SNX29: variants seen among roughly 807,000 people sequenced by gnomAD.
The protein encoded by SNX29 is sorting nexin 29, also known as sorting nexin-29.
SNX29 carries 78 observed loss-of-function variants against 102.1 expected under a neutral mutation model. That is an observed-to-expected ratio of 0.76 (90% CI 0.64 to 0.92). SNX29 has a LOEUF of 0.92. Ranked by LOEUF, SNX29 falls within the 40% of genes least tolerant of loss-of-function variation. The pLI, the probability that SNX29 is intolerant of heterozygous loss-of-function variation, is 0.00. For synonymous variants in SNX29, 580 were observed against 414.5 expected, an observed-to-expected ratio of 1.40 and a Z score of -4.85; for missense variants, 1,280 against 1,061.7, an observed-to-expected ratio of 1.21 and a Z score of -2.86.
intron 19 of SNX29, among the ~76,000 whole-genome samples, chr16:12,493,989 C>G (rs1205114636): frequency 2.6e-5 from 4 of 152,158 alleles, no homozygotes; most frequent in African/African-American, 9.7e-5. Flanking sequence ...CCTTTCTTGC[C>G]TTTGTGTGTC....
chr16:12,043,530 A>AT (rs894264006), intron 5 of SNX29, among the ~76,000 whole-genome samples: 3 of 151,730 alleles, frequency 2.0e-5, no homozygotes, highest in African/African-American at 2.4e-5. Flanking sequence ...AATTTAAAAA[A>AT]TTTTTTTGTA....
chr16:12,125,273 C>T (rs951849624), intron 11 of SNX29, among the ~76,000 whole-genome samples: 2 of 152,264 alleles, frequency 1.3e-5, no homozygotes, highest in East Asian at 3.9e-4. Flanking sequence ...CTTTCTTCTC[C>T]ACCGTTAACC....
At chr16:12,551,866 A>G (rs892828114) in intron 20 of SNX29, among the ~76,000 whole-genome samples, 18 of 152,114 alleles carry the variant, frequency 1.2e-4, no homozygotes, top group African/African-American at 4.1e-4. Flanking sequence ...CAGGCAGGTG[A>G]TATTTCTAGC....
intron 20 of SNX29, among the ~76,000 whole-genome samples, chr16:12,553,156 C>T (rs1478959573): frequency 6.6e-6 from 1 of 152,176 alleles, no homozygotes; most frequent in South Asian, 2.1e-4. Flanking sequence ...TGGGGTCCTT[C>T]CTGGGATTTT....
At chr16:11,981,584 C>T (rs1020616606) in intron 1 of SNX29, among the ~76,000 whole-genome samples, 8 of 152,208 alleles carry the variant, frequency 5.3e-5, no homozygotes, top group African/African-American at 1.7e-4. Context: ...AAGTGTTTTT[C>T]AGTCTCTTGT....
intron 19 of SNX29, among the ~76,000 whole-genome samples, chr16:12,508,163 C>T (rs116568653): frequency 8.7e-4 from 132 of 152,316 alleles, no homozygotes; most frequent in Middle Eastern, 3.4e-3. Flanking sequence ...TGAGTGGTGC[C>T]TGGTGGGCTG....
At chr16:12,337,860 G>C (rs556416800) in intron 15 of SNX29, among the ~76,000 whole-genome samples, 2 of 152,236 alleles carry the variant, frequency 1.3e-5, no homozygotes, top group South Asian at 4.1e-4. Context: ...TATGTCCTGG[G>C]TATAAAAGCT....
At chr16:12,191,300 G>A (rs1192267584) in intron 13 of SNX29, among the ~76,000 whole-genome samples, 3 of 152,158 alleles carry the variant, frequency 2.0e-5, no homozygotes, top group Non-Finnish European at 2.9e-5. Flanking sequence ...TGACAGCCAC[G>A]GTGATGGATG....
chr16:12,558,579 A>G (rs913010830), intron 20 of SNX29, among the ~76,000 whole-genome samples: 6 of 152,182 alleles, frequency 3.9e-5, no homozygotes, highest in East Asian at 3.8e-4. Flanking sequence ...TGGTGGATCC[A>G]TACACCTGTC....
intron 14 of SNX29, among the ~76,000 whole-genome samples, chr16:12,205,734 TA>T (rs1375145973): frequency 6.6e-6 from 1 of 152,230 alleles, no homozygotes; most frequent in Non-Finnish European, 1.5e-5. Context: ...TCACAGCACT[TA>T]TCAGGCCCTC....
intron 15 of SNX29, among the ~76,000 whole-genome samples, chr16:12,343,338 A>G (rs1184667472): frequency 1.3e-5 from 2 of 152,252 alleles, no homozygotes; most frequent in Non-Finnish European, 2.9e-5. Context: ...GCTTCACGGT[A>G]CTAAATAACT....
rs191654516 is a variant in SNX29, at chr16:12,369,234, C to G, written c.1899+12955C>G. Among the ~76,000 whole-genome samples the G allele has an allele frequency of 6.6e-5, 10 of 152,012 alleles. No individual in the cohort carries two copies. The South Asian group carries it at 1.7e-3, about 25-fold the overall frequency. On this transcript the variant is annotated intron_variant, in intron 16 of 20. Transcript: ENST00000566228. ...CACTACAACCTCCGCCTCCTAGGTT[C>G]AAGCAATTCTCCTGCCTTAGCCTCC...
intron 3 of SNX29, among the ~76,000 whole-genome samples, chr16:12,009,584 C>T (rs182428534): frequency 7.4e-4 from 112 of 151,972 alleles, no homozygotes; most frequent in African/African-American, 2.4e-3. Flanking sequence ...GAAATGCAGG[C>T]GAGACTTGTT....
intron 14 of SNX29, among the ~76,000 whole-genome samples, chr16:12,244,153 A>G (rs967909473): frequency 8.6e-5 from 13 of 152,018 alleles, no homozygotes; most frequent in Admixed American, 3.3e-4. Context: ...TCAGGCGGTG[A>G]TGCTCACTCA....
chr16:12,562,932 C>G (rs79907422), intron 20 of SNX29, among the ~76,000 whole-genome samples: 2,944 of 152,178 alleles, frequency 0.019, 38 homozygotes, highest in Middle Eastern at 0.075. Context: ...TGCCAAAAAC[C>G]TGCATAGTAA....
intron 15 of SNX29, 73 bp from the exon 16 acceptor site, chr16:12,356,090 G>A: frequency 1.4e-6 from 2 of 1,407,306 alleles, no homozygotes; most frequent in South Asian, 1.2e-5. Context: ...AGGAAGGAGA[G>A]TCCAGAGAAG....
intron 20 of SNX29, among the ~76,000 whole-genome samples, chr16:12,537,855 C>T (rs542761586): frequency 6.6e-5 from 10 of 152,184 alleles, no homozygotes; most frequent in Admixed American, 1.3e-4. Flanking sequence ...CATGGTGGCT[C>T]ACGCTTATAG....
chr16:12,378,865 T>G (rs769685929), intron 16 of SNX29, among the ~76,000 whole-genome samples: 2 of 152,168 alleles, frequency 1.3e-5, no homozygotes, highest in Non-Finnish European at 2.9e-5. Context: ...TCAGGCTGTT[T>G]AGACTCAAGA....
chr16:12,320,933 A>G (rs1289146527), intron 15 of SNX29, among the ~76,000 whole-genome samples: 2 of 152,220 alleles, frequency 1.3e-5, no homozygotes, highest in East Asian at 3.8e-4. Flanking sequence ...GTTGATAAAC[A>G]AGAACAGAAA....
Sources: gnomAD v4.1 joint callset for allele counts (sites outside exome capture counted in the v4.1 genomes callset) on GRCh38, gnomAD v4.1.1 for gene constraint, MANE v1.5 for transcripts, NCBI Gene and HGNC (gene_info 2026-07-23, HGNC 2026-07-21) for gene names.